The following FGF13 variants were observed in gnomAD, a reference collection of about 807,000 sequenced individuals.
FGF13 encodes the protein fibroblast growth factor 13.
In FGF13, 2 loss-of-function variants were observed where a neutral mutation model predicts 19.5. The observed-to-expected ratio is 0.10, with a 90% confidence interval of 0.04 to 0.32. FGF13 has a LOEUF of 0.32. Ranked by LOEUF, FGF13 falls within the 10% of genes least tolerant of loss-of-function variation. The probability of loss-of-function intolerance (pLI) is 1.00; values close to 1 mark genes in which losing one functional copy is unlikely to be tolerated. For synonymous variants in FGF13, 72 were observed against 76.9 expected, an observed-to-expected ratio of 0.94 and a Z score of 0.33; for missense variants, 113 against 192.7, an observed-to-expected ratio of 0.59 and a Z score of 2.45.
intron 1 of FGF13, among the ~76,000 whole-genome samples, chrX:139,038,970 A>C (rs1348679444): frequency 8.9e-6 from 1 of 112,192 alleles, no homozygotes; most frequent in African/African-American, 3.2e-5. Flanking sequence ...TCAGATAAGT[A>C]GATATTAAAT....
At chrX:138,761,408 C>T (rs2090465279) in intron 3 of FGF13, among the ~76,000 whole-genome samples, 1 of 111,407 alleles carries the variant, frequency 9.0e-6, no homozygotes, top group Admixed American at 9.6e-5. Flanking sequence ...TGCTTCACCA[C>T]TCCTGGAACT....
intron 3 of FGF13, among the ~76,000 whole-genome samples, chrX:138,691,159 A>G: frequency 9.0e-6 from 1 of 111,550 alleles, no homozygotes; most frequent in East Asian, 2.8e-4. Context: ...TACAATATAA[A>G]AGCTCTCAGC....
chrX:139,176,692 A>T (rs1274477580), intron 1 of FGF13, among the ~76,000 whole-genome samples: 9 of 111,127 alleles, frequency 8.1e-5, no homozygotes, highest in Non-Finnish European at 1.5e-4. Context: ...GTCATTCAGG[A>T]GCAGGTTGTT....
chrX:138,748,868 A>T lies in FGF13; in HGVS notation c.218-39940T>A, dbSNP rs780725369. Among the ~76,000 whole-genome samples, 32 of 111,987 alleles carry T rather than the reference A, an allele frequency of 2.9e-4. 1 individual carries two copies. The South Asian group carries it at 4.1e-3, about 15-fold the overall frequency. On this transcript the variant is annotated intron_variant, in intron 3 of 6. Coordinates refer to the FGF13 transcript ENST00000436198. ...CCTTACCACAATAAAAATATTTTTT[A>T]AAAAAATGGGAAAGCAATTTTAATG...
intron 1 of FGF13, among the ~76,000 whole-genome samples, chrX:139,015,478 CA>C (rs200581326): frequency 7.3e-5 from 8 of 109,196 alleles, no homozygotes; most frequent in Admixed American, 2.9e-4. Context: ...ACAATAGCTA[CA>C]AAAAAAACCC....
At chrX:138,898,907 A>G (rs1259937719) in intron 1 of FGF13, among the ~76,000 whole-genome samples, 1 of 111,126 alleles carries the variant, frequency 9.0e-6, no homozygotes, top group African/African-American at 3.3e-5. Flanking sequence ...CTATGCCCCT[A>G]TCAAAGGCTC....
At chrX:138,659,958 T>C (rs1384448437) in intron 3 of FGF13, among the ~76,000 whole-genome samples, 1 of 111,051 alleles carries the variant, frequency 9.0e-6, no homozygotes, top group Non-Finnish European at 1.9e-5. Flanking sequence ...AGCTAATGCA[T>C]GTGGGGCTTA....
chrX:138,986,075 C>T (rs1355825777), intron 1 of FGF13, among the ~76,000 whole-genome samples: 1 of 111,875 alleles, frequency 8.9e-6, no homozygotes, highest in African/African-American at 3.3e-5. Flanking sequence ...TATTATTACA[C>T]TCATTTGACA....
chrX:138,706,742 T>C (rs1056707795), intron 2 of FGF13, among the ~76,000 whole-genome samples: 1 of 111,869 alleles, frequency 8.9e-6, no homozygotes, highest in African/African-American at 3.2e-5. Flanking sequence ...GCCTTCATGA[T>C]ATACCAGTTT....
intron 1 of FGF13, among the ~76,000 whole-genome samples, chrX:139,139,482 T>TA (rs746465584): frequency 8.9e-6 from 1 of 112,155 alleles, no homozygotes; most frequent in East Asian, 2.8e-4. Flanking sequence ...CTTACAGGCT[T>TA]AAAAAGGAGA....
At chrX:138,709,282 A>G (rs1411348665) in intron 1 of FGF13, among the ~76,000 whole-genome samples, 2 of 112,242 alleles carry the variant, frequency 1.8e-5, no homozygotes, top group African/African-American at 6.5e-5. Context: ...TGTGAAAGGA[A>G]AAGGAGAAAT....
At chrX:138,782,735 T>C (rs2090655873) in intron 3 of FGF13, among the ~76,000 whole-genome samples, 1 of 97,032 alleles carries the variant, frequency 1.0e-5, no homozygotes, top group African/African-American at 3.8e-5. Context: ...ATGGCCATAC[T>C]GCCCAAGGTA....
intron 1 of FGF13, among the ~76,000 whole-genome samples, chrX:139,078,475 A>T: frequency 8.9e-6 from 1 of 112,123 alleles, no homozygotes; most frequent in East Asian, 2.8e-4. Flanking sequence ...TTCAGTTAAC[A>T]TTGCTGATTT....
intron 1 of FGF13, chrX:138,864,674 A>G (rs1261803333): frequency 8.9e-6 from 1 of 112,778 alleles, no homozygotes; most frequent in Non-Finnish European, 1.9e-5. Context: ...TAGGTCCACT[A>G]AGAAGAAAAG....
At chrX:138,937,750 A>G (rs748326752) in intron 1 of FGF13, among the ~76,000 whole-genome samples, 1 of 112,158 alleles carries the variant, frequency 8.9e-6, no homozygotes, top group East Asian at 2.8e-4. Flanking sequence ...TTTAGAAACA[A>G]AAAATCGAAG....
At chrX:138,695,558 C>A (rs983027141) in intron 3 of FGF13, among the ~76,000 whole-genome samples, 9 of 111,552 alleles carry the variant, frequency 8.1e-5, no homozygotes, top group African/African-American at 2.6e-4. Context: ...GGTACATACT[C>A]TCAAATGGCT....
At chrX:138,969,171 A>G (rs1219759968) in intron 1 of FGF13, among the ~76,000 whole-genome samples, 1 of 112,076 alleles carries the variant, frequency 8.9e-6, no homozygotes, top group Admixed American at 9.5e-5. Context: ...GAAAAGTGAC[A>G]CAGTCAACTG....
At chrX:138,661,690 G>A (rs1412597105) in intron 3 of FGF13, among the ~76,000 whole-genome samples, 1 of 111,398 alleles carries the variant, frequency 9.0e-6, no homozygotes, top group African/African-American at 3.3e-5. Flanking sequence ...AAGGAGAGTT[G>A]GTACATTAGG....
intron 1 of FGF13, among the ~76,000 whole-genome samples, chrX:139,195,868 C>T (rs994839550): frequency 7.1e-5 from 8 of 112,265 alleles, no homozygotes; most frequent in African/African-American, 1.9e-4. Context: ...AAATGAGTTA[C>T]GTAAGTAGTG....
Sources: allele counts gnomAD v4.1 joint callset (sites outside exome capture counted in the v4.1 genomes callset), GRCh38; gene constraint gnomAD v4.1.1; transcripts MANE v1.5; gene names NCBI Gene and HGNC (gene_info 2026-07-23, HGNC 2026-07-21).